PTPRK: variants seen among roughly 807,000 people sequenced by gnomAD.
PTPRK encodes the protein protein tyrosine phosphatase receptor type K, also known as receptor-type tyrosine-protein phosphatase kappa.
Under a neutral mutation model 178.0 loss-of-function variants are expected in PTPRK, and 75 were observed. That is an observed-to-expected ratio of 0.42 (90% CI 0.35 to 0.51). The LOEUF (loss-of-function observed/expected upper bound fraction) is 0.51. Among genes scored for constraint, PTPRK ranks in the 20% least tolerant of loss-of-function variants. The probability of loss-of-function intolerance (pLI) is 0.02; values close to 1 mark genes in which losing one functional copy is unlikely to be tolerated. For missense variants in PTPRK, 1,441 were observed against 1,797.8 expected (o/e 0.80, Z 3.59); for synonymous variants, 637 against 620.6 (o/e 1.03, Z -0.39).
chr6:128,050,004 C>T (rs373713476), intron 13 of PTPRK, among the ~76,000 whole-genome samples: 47 of 152,128 alleles, frequency 3.1e-4, no homozygotes, highest in African/African-American at 1.1e-3. Context: ...GGCATGGTGG[C>T]GCATGCCTGT....
chr6:128,234,585 C>A (rs1373641372), intron 5 of PTPRK, among the ~76,000 whole-genome samples: 1 of 152,106 alleles, frequency 6.6e-6, no homozygotes, highest in Non-Finnish European at 1.5e-5. Context: ...AGGATATGAC[C>A]TTTTTGTGTC....
At chr6:128,231,937 T>C (rs1812369680) in intron 5 of PTPRK, among the ~76,000 whole-genome samples, 1 of 152,210 alleles carries the variant, frequency 6.6e-6, no homozygotes, top group Admixed American at 6.5e-5. Context: ...TAATTTGTCC[T>C]CTCCTTTGCT....
intron 13 of PTPRK, among the ~76,000 whole-genome samples, chr6:128,036,137 T>A (rs1393643085): frequency 6.6e-6 from 1 of 152,202 alleles, no homozygotes; most frequent in Non-Finnish European, 1.5e-5. Context: ...GGGAAACCTC[T>A]GTTCCATAAG....
intron 1 of PTPRK, among the ~76,000 whole-genome samples, chr6:128,464,653 A>ATATATATATG (rs1554271925): frequency 3.7e-5 from 4 of 107,702 alleles, no homozygotes; most frequent in Non-Finnish European, 7.6e-5. Context: ...ATATATATAT[A>ATATATATATG]TATATATATA....
chr6:128,070,158 T>C (rs561457054), intron 11 of PTPRK, among the ~76,000 whole-genome samples: 2 of 152,256 alleles, frequency 1.3e-5, no homozygotes, highest in Admixed American at 6.5e-5. Context: ...ATATTATTCA[T>C]TTATTCTTTG....
At chr6:128,484,997 A>G (rs556431691) in intron 1 of PTPRK, among the ~76,000 whole-genome samples, 1 of 152,328 alleles carries the variant, frequency 6.6e-6, no homozygotes, top group East Asian at 1.9e-4. Flanking sequence ...GATCAAATGC[A>G]TTAGACTGAG....
chr6:128,470,404 T>G (rs558691715), intron 1 of PTPRK, among the ~76,000 whole-genome samples: 12 of 137,132 alleles, frequency 8.8e-5, no homozygotes, highest in African/African-American at 3.6e-4. Context: ...CTCTAATGCG[T>G]TTTTTTTTAA....
intron 2 of PTPRK, among the ~76,000 whole-genome samples, chr6:128,375,833 A>G (rs980178098): frequency 2.0e-5 from 3 of 152,208 alleles, no homozygotes; most frequent in Admixed American, 6.5e-5. Flanking sequence ...GGCCAAAACA[A>G]AGGGACTACA....
intron 3 of PTPRK, among the ~76,000 whole-genome samples, chr6:128,243,488 T>TAAAAAAAAAAAAAAAAAAAAA (rs760606919): frequency 5.9e-4 from 35 of 59,072 alleles, no homozygotes; most frequent in Non-Finnish European, 8.9e-4. Flanking sequence ...AGCCTGTCGC[T>TAAAAAAAAAAAAAAAAAAAAA]AAAAAAAAAA....
At chr6:128,054,644 C>T (rs1028256381) in intron 13 of PTPRK, among the ~76,000 whole-genome samples, 1 of 151,276 alleles carries the variant, frequency 6.6e-6, no homozygotes, top group African/African-American at 2.5e-5. Context: ...TTGCTCACTA[C>T]ACTTTTCCAG....
chr6:128,249,849 C>T (rs1289350669), intron 3 of PTPRK, among the ~76,000 whole-genome samples: 1 of 152,068 alleles, frequency 6.6e-6, no homozygotes, highest in Non-Finnish European at 1.5e-5. Context: ...AAAAAAAACT[C>T]GAAGGTGCAA....
chr6:128,401,930 C>T (rs1841073154), intron 1 of PTPRK, among the ~76,000 whole-genome samples: 1 of 152,238 alleles, frequency 6.6e-6, no homozygotes, highest in Middle Eastern at 3.4e-3. Flanking sequence ...TAACTTTGCT[C>T]ATGTAAGTGA....
At chr6:128,414,505 G>C (rs1465231852) in intron 1 of PTPRK, among the ~76,000 whole-genome samples, 1 of 152,168 alleles carries the variant, frequency 6.6e-6, no homozygotes, top group Non-Finnish European at 1.5e-5. Flanking sequence ...AATTTAAAGA[G>C]AGCAGCTATT....
At chr6:128,234,815 T>G (rs1384427626) in intron 5 of PTPRK, among the ~76,000 whole-genome samples, 2 of 152,200 alleles carry the variant, frequency 1.3e-5, no homozygotes, top group African/African-American at 2.4e-5. Flanking sequence ...TGGGCACATG[T>G]CTTAATTTCT....
At chr6:127,972,978 C>T (rs1774108442) in intron 29 of PTPRK, 44 bp downstream of exon 29, 5 of 1,589,382 alleles carry the variant, frequency 3.1e-6, no homozygotes, top group Non-Finnish European at 3.5e-6. Flanking sequence ...ATATGACTAA[C>T]TAATCTCTAA....
In PTPRK at chr6:128,011,649, A is replaced by T. The variant is rs532343009; in HGVS notation, c.2195-2381T>A. 2.0e-5 allele frequency among the ~76,000 whole-genome samples: 3 copies of T among 151,268 alleles called. No individual in the cohort carries two copies. In the Admixed American group the frequency reaches 2.0e-4, roughly 10 times the overall value. On this transcript the variant is annotated intron_variant, in intron 13 of 29. Coordinates refer to ENST00000368226, the MANE Select transcript of PTPRK (RefSeq NM_002844.4). Reference sequence around the variant, plus strand: ...TTTAATACTATTACCTAGGTTTAGTAATAAAATAACAGAACTGACATGAGG... The same window carrying T: ...TTTAATACTATTACCTAGGTTTAGTTATAAAATAACAGAACTGACATGAGG...
chr6:128,453,639 T>C (rs7774852), intron 1 of PTPRK, among the ~76,000 whole-genome samples: 5,840 of 152,240 alleles, frequency 0.038, 397 homozygotes, highest in African/African-American at 0.13. Flanking sequence ...AAGAAATCCA[T>C]ATGCTCTGAT....
At chr6:128,385,630 G>A (rs149093209) in intron 2 of PTPRK, among the ~76,000 whole-genome samples, 81 of 152,166 alleles carry the variant, frequency 5.3e-4, no homozygotes, top group African/African-American at 1.9e-3. Context: ...AGTGTGATAC[G>A]GTTGATTACT....
At chr6:128,308,356 A>G (rs1041991222) in intron 3 of PTPRK, among the ~76,000 whole-genome samples, 1 of 151,972 alleles carries the variant, frequency 6.6e-6, no homozygotes, top group Non-Finnish European at 1.5e-5. Context: ...ATTTCCATAA[A>G]ACATACATAT....
Sources: allele counts gnomAD v4.1 joint callset (sites outside exome capture counted in the v4.1 genomes callset), GRCh38; gene constraint gnomAD v4.1.1; transcripts MANE v1.5; gene names NCBI Gene and HGNC (gene_info 2026-07-23, HGNC 2026-07-21).